Variants in SNTB2 observed in about 807,000 individuals in gnomAD.
SNTB2 encodes the protein syntrophin beta 2.
SNTB2 carries 34 observed loss-of-function variants against 46.2 expected under a neutral mutation model. The ratio of observed to expected loss-of-function variants is 0.74; its 90% CI spans 0.56 to 0.98. SNTB2 has a LOEUF of 0.98. SNTB2 is among the 50% of genes least tolerant of loss of function. The pLI, the probability that SNTB2 is intolerant of heterozygous loss-of-function variation, is 0.00. For synonymous variants in SNTB2, 290 were observed against 312.6 expected (o/e 0.93, Z 0.76); for missense variants, 603 against 731.4 (o/e 0.82, Z 2.02).
In SNTB2 at chr16:69,215,603, G is replaced by T. The variant is rs191662868; in HGVS notation, c.580+27857G>T. 5.6e-4 allele frequency among the ~76,000 whole-genome samples: 85 copies of T among 152,276 alleles called. No homozygotes were observed. The East Asian group carries it at 0.014, about 25-fold the overall frequency. ...GCGTTTTAAAGATTTGTGGATGTGTGTGCGGTACCAAAGCTATTATAACTT... is the reference window on the plus strand; with the variant it reads ...GCGTTTTAAAGATTTGTGGATGTGTTTGCGGTACCAAAGCTATTATAACTT... On this transcript the variant is annotated intron_variant, in intron 1 of 6. Transcript: ENST00000336278.
In SNTB2 at chr16:69,242,531, T is replaced by C. The variant is rs183721072; in HGVS notation, c.581-3071T>C. Among the ~76,000 whole-genome samples the C allele has an allele frequency of 4.9e-4, 74 of 152,200 alleles. 1 individual carries two copies. The highest frequency in any genetic ancestry group is 1.7e-4 in the African/African-American group (7 of 41,454). ...ATGGACTTAACAAAAATTTTAAATA[T>C]ACAGAACAACATAAAGAAAAAAATG... On this transcript the variant is annotated intron_variant, in intron 1 of 6. Transcript: ENST00000336278.
At chr16:69,285,592 C>T (rs956366132) in intron 5 of SNTB2, among the ~76,000 whole-genome samples, 1 of 149,272 alleles carries the variant, frequency 6.7e-6, no homozygotes, top group Non-Finnish European at 1.5e-5. Context: ...AGTGATCCTC[C>T]CTCAAGCCTC....
At chr16:69,264,977 C>T (rs182695058) in intron 3 of SNTB2, among the ~76,000 whole-genome samples, 17 of 152,282 alleles carry the variant, frequency 1.1e-4, no homozygotes, top group African/African-American at 3.1e-4. Flanking sequence ...TGGCCGGGCA[C>T]GGTGGCTCAT....
rs1350433500 is a variant in SNTB2 at position 69,304,451 on chromosome 16, C to CTG, written c.*3528_*3529insGT. ...AGTGCCTGTTTTTATGTTCTGTACT[C>CTG]TCACAAACTTTGTTACTCAAAATTA... is the stretch of plus-strand genomic sequence containing the variant. On this transcript the variant is annotated 3_prime_UTR_variant, in exon 7 of 7. Transcript: ENST00000336278. 6.6e-6 allele frequency: 1 copy of CTG among 152,594 alleles called. No individual in the cohort carries two copies. Among genetic ancestry groups the CTG allele is most frequent in the African/African-American group, 2.4e-5 (1 of 41,432 alleles). 9.5% of individuals were successfully genotyped at this position (152,594 alleles called of 1,614,324 possible).
chr16:69,270,053 A>G, intron 3 of SNTB2, 90 bp from the exon 4 acceptor site: 1 of 1,448,512 alleles, frequency 6.9e-7, no homozygotes. Context: ...AACAAAATGG[A>G]GACCCATTGT....
intron 1 of SNTB2, among the ~76,000 whole-genome samples, chr16:69,207,438 G>A (rs959409528): frequency 2.6e-5 from 4 of 151,954 alleles, no homozygotes; most frequent in African/African-American, 7.2e-5. Context: ...GATTACAGGC[G>A]TGAGCCACCG....
Position 69,187,373 on chromosome 16 carries a change from C to A in SNTB2, c.207C>A (p.Ala69=). 1.5e-6 allele frequency: 2 copies of A among 1,356,896 alleles called. No individual in the cohort carries two copies. The highest frequency in any genetic ancestry group is 1.9e-6 in the Non-Finnish European group (2 of 1,056,372). 84.1% of individuals were successfully genotyped at this position (1,356,896 alleles called of 1,614,324 possible). Reference sequence around the variant, plus strand: ...CCGCTCTGGGACCCGCGGCCGCCGCCTTCAACGGCCTCCCAAACGGCGGCG... The same window carrying A: ...CCGCTCTGGGACCCGCGGCCGCCGCATTCAACGGCCTCCCAAACGGCGGCG... ...LEPALGPAAA[A]FNGLPNGGGA... Residue 69 remains alanine, a synonymous_variant, in exon 1 of 7, where the codon GCC becomes GCA. Transcript: ENST00000336278.
intron 1 of SNTB2, among the ~76,000 whole-genome samples, chr16:69,199,651 A>C (rs542564729): frequency 6.6e-6 from 1 of 150,982 alleles, no homozygotes; most frequent in East Asian, 1.9e-4. Flanking sequence ...ATCACTTAGC[A>C]AAGAGAGAAA....
chr16:69,286,002 A>G (rs1057402288), intron 5 of SNTB2, among the ~76,000 whole-genome samples: 3 of 152,268 alleles, frequency 2.0e-5, no homozygotes, highest in East Asian at 1.9e-4. Flanking sequence ...CATATTGGCC[A>G]GGCTGGTCTT....
At chr16:69,254,813 C>CA (rs200055725) in intron 2 of SNTB2, among the ~76,000 whole-genome samples, 2 of 152,186 alleles carry the variant, frequency 1.3e-5, no homozygotes, top group South Asian at 2.1e-4. Flanking sequence ...CCTGTCTCTA[C>CA]AAAAAATTTT....
chr16:69,280,809 T>G (rs953874935), intron 4 of SNTB2, among the ~76,000 whole-genome samples: 1 of 152,054 alleles, frequency 6.6e-6, no homozygotes, highest in African/African-American at 2.4e-5. Flanking sequence ...TCTCTTTTTT[T>G]TTTTTTGAGA....
At chr16:69,209,877 A>T (rs1025958579) in intron 1 of SNTB2, among the ~76,000 whole-genome samples, 6 of 152,168 alleles carry the variant, frequency 3.9e-5, no homozygotes, top group Non-Finnish European at 5.9e-5. Flanking sequence ...TAGATCTTGT[A>T]GTATACTCAC....
intron 4 of SNTB2, among the ~76,000 whole-genome samples, chr16:69,281,920 T>TTG (rs1162731134): frequency 6.7e-6 from 1 of 149,396 alleles, no homozygotes; most frequent in Non-Finnish European, 1.5e-5. Flanking sequence ...TTTTTTTTTT[T>TTG]TTGAGAGGGA....
rs776664092 is a variant in SNTB2, at chr16:69,281,905, C to CTTTT, written c.1149-2129_1149-2126dup. On this transcript the variant is annotated intron_variant, in intron 4 of 6. Transcript: ENST00000336278. ...TCCATTGAATCACATTTGTTTCTCTCTTTTTTTTTTTTTTTTTGAGAGGGA... is the reference window on the plus strand; with the variant it reads ...TCCATTGAATCACATTTGTTTCTCTCTTTTTTTTTTTTTTTTTTTTTGAGAGGGA... Among the ~76,000 whole-genome samples, 48 of 125,304 alleles carry CTTTT rather than the reference C, an allele frequency of 3.8e-4. 1 individual carries two copies. The South Asian group carries it at 5.9e-3, about 15-fold the overall frequency. The allele number at this position is 125,304 out of a possible 152,430, so 82.2% of individuals were successfully genotyped here.
chr16:69,187,327 C>T lies in SNTB2; in HGVS notation c.161C>T (p.Ala54Val). Residue 54 changes from alanine to valine, a missense_variant, in exon 1 of 7, where the codon GCC becomes GTC. Around this residue, in one of 2 missense-constraint regions of SNTB2, gnomAD observed 537 missense variants for 692.4 expected, o/e 0.78. Coordinates refer to ENST00000336278, the MANE Select transcript of SNTB2 (RefSeq NM_006750.4). ...GAGAGCCTGAGCCTGACGGGCGACG[C>T]CGCCGCGGCCGAGCTGGAGCCCGCT... The part of the protein sequence containing the change: ...SGESLSLTGD[A>V]AAAELEPALG... 6.9e-7 allele frequency: 1 copy of T among 1,449,860 alleles called. No individual in the cohort carries two copies. Among genetic ancestry groups the T allele is most frequent in the Non-Finnish European group, 9.1e-7 (1 of 1,103,552 alleles). The allele number at this position is 1,449,860 out of a possible 1,614,324, so 89.8% of individuals were successfully genotyped here.
intron 1 of SNTB2, among the ~76,000 whole-genome samples, chr16:69,204,082 G>A (rs1373667196): frequency 1.3e-5 from 2 of 152,116 alleles, no homozygotes; most frequent in African/African-American, 4.8e-5. Flanking sequence ...TAGTGGAGCC[G>A]GAGTTTCACC....
chr16:69,293,546 G>T (rs1406228577), intron 5 of SNTB2, among the ~76,000 whole-genome samples: 2 of 152,172 alleles, frequency 1.3e-5, no homozygotes, highest in East Asian at 3.9e-4. Flanking sequence ...TGGACGTGAG[G>T]TGAATCATGG....
At chr16:69,276,371 G>C (rs760788470) in intron 4 of SNTB2, among the ~76,000 whole-genome samples, 58 of 152,242 alleles carry the variant, frequency 3.8e-4, no homozygotes, top group Non-Finnish European at 8.2e-4. Flanking sequence ...TGCTCAGCGA[G>C]AGTCCAGCAT....
chr16:69,278,185 C>T (rs962501454), intron 4 of SNTB2, among the ~76,000 whole-genome samples: 8 of 152,066 alleles, frequency 5.3e-5, no homozygotes, highest in Non-Finnish European at 7.4e-5. Flanking sequence ...GGCGTGGTGG[C>T]GCATGCCTAT....
Sources: gnomAD v4.1 joint callset for allele counts (sites outside exome capture counted in the v4.1 genomes callset) on GRCh38, gnomAD v4.1.1 for gene constraint, gnomAD v4.1.1 regional missense constraint, MANE v1.5 for transcripts, NCBI Gene and HGNC (gene_info 2026-07-23, HGNC 2026-07-21) for gene names.